RNF180: variants seen among roughly 807,000 people sequenced by gnomAD.
The protein encoded by RNF180 is ring finger protein 180.
RNF180 carries 38 observed loss-of-function variants against 59.2 expected under a neutral mutation model. The ratio of observed to expected loss-of-function variants is 0.64; its 90% CI spans 0.50 to 0.84. The LOEUF (loss-of-function observed/expected upper bound fraction) is 0.84. Ranked by LOEUF, RNF180 falls within the 40% of genes least tolerant of loss-of-function variation. The pLI is 0.00. For synonymous variants in RNF180, 262 were observed against 240.3 expected, an observed-to-expected ratio of 1.09 and a Z score of -0.84; for missense variants, 705 against 700.9, an observed-to-expected ratio of 1.01 and a Z score of -0.07.
intron 5 of RNF180, among the ~76,000 whole-genome samples, chr5:64,302,329 T>C (rs1743202353): frequency 6.6e-6 from 1 of 151,644 alleles, no homozygotes; most frequent in Non-Finnish European, 1.5e-5. Context: ...GGGATATTTA[T>C]TTATTTATTT....
At chr5:64,182,140 A>T (rs565339934) in intron 1 of RNF180, among the ~76,000 whole-genome samples, 1 of 151,656 alleles carries the variant, frequency 6.6e-6, no homozygotes, top group African/African-American at 2.4e-5. Context: ...ACAGGCGCCC[A>T]CCACCACGCC....
chr5:64,253,671 G>T (rs1743736280), intron 5 of RNF180, among the ~76,000 whole-genome samples: 1 of 152,078 alleles, frequency 6.6e-6, no homozygotes, highest in Admixed American at 6.6e-5. Flanking sequence ...ACTGAAATCA[G>T]TAAGATGTTG....
chr5:64,214,538 T>C lies in RNF180; in HGVS notation c.1191+21T>C, dbSNP rs778579217. On this transcript the variant is annotated intron_variant, in intron 4 of 7. Coordinates refer to ENST00000389100, the MANE Select transcript of RNF180 (RefSeq NM_001113561.2). The stretch of plus-strand genomic sequence containing the variant: ...AGCAGGTAATATTTTTCAAAAGAGT[T>C]TACTAAAAATCTGTATTATAAATAC... The C allele has an allele frequency of 3.1e-6, 5 of 1,596,148 alleles. No homozygotes were observed. In the Middle Eastern group the frequency reaches 5.2e-4, roughly 165 times the overall value.
intron 5 of RNF180, among the ~76,000 whole-genome samples, chr5:64,286,691 G>T (rs1314830010): frequency 6.6e-6 from 1 of 152,162 alleles, no homozygotes; most frequent in Non-Finnish European, 1.5e-5. Context: ...GAATACAGAA[G>T]TACCAAAAGT....
intron 5 of RNF180, among the ~76,000 whole-genome samples, chr5:64,286,618 A>G (rs926797514): frequency 3.3e-5 from 5 of 152,272 alleles, no homozygotes; most frequent in African/African-American, 1.2e-4. Context: ...AAATCCTTCA[A>G]TCAGTTCTAA....
chr5:64,260,474 G>A (rs1580132500), intron 5 of RNF180, among the ~76,000 whole-genome samples: 1 of 152,078 alleles, frequency 6.6e-6, no homozygotes, highest in Non-Finnish European at 1.5e-5. Context: ...AAAAGTCTTG[G>A]ATTTCATGAC....
chr5:64,354,024 G>A (rs1745921728), intron 7 of RNF180, among the ~76,000 whole-genome samples: 1 of 151,418 alleles, frequency 6.6e-6, no homozygotes, highest in Non-Finnish European at 1.5e-5. Context: ...ATTAAAAAAA[G>A]AAGAAAGCTC....
intron 5 of RNF180, among the ~76,000 whole-genome samples, chr5:64,317,383 C>T (rs1439043709): frequency 1.3e-5 from 2 of 151,894 alleles, no homozygotes; most frequent in African/African-American, 4.8e-5. Context: ...TAAAAAAATA[C>T]TGATAGATAT....
chr5:64,228,673 A>G (rs911822497), intron 5 of RNF180, among the ~76,000 whole-genome samples: 1 of 151,990 alleles, frequency 6.6e-6, no homozygotes, highest in African/African-American at 2.4e-5. Context: ...TATTTTGTAA[A>G]ACGTTAAAAA....
At chr5:64,217,254 C>T (rs1752677957) in intron 4 of RNF180, 107 bp from the exon 5 acceptor site, 2 of 1,234,018 alleles carry the variant, frequency 1.6e-6, no homozygotes, top group African/African-American at 3.1e-5. Context: ...ATCCATTCAG[C>T]TGCTGAAGGA....
At chr5:64,212,783 C>T (rs1484900074) in intron 3 of RNF180, among the ~76,000 whole-genome samples, 1 of 152,136 alleles carries the variant, frequency 6.6e-6, no homozygotes, top group Non-Finnish European at 1.5e-5. Flanking sequence ...ATTCAAAACT[C>T]CTGTCTTAGA....
chr5:64,214,307 C>G lies in RNF180; in HGVS notation c.981C>G (p.Asn327Lys), dbSNP rs1425340839. ...TGTATTCTGACCATACTAATACTAA[C>G]AATCTGACTTTCCTGATGGACCTGC... is the stretch of plus-strand genomic sequence containing the variant. ...ASVYSDHTNT[N>K]NLTFLMDLPS... Residue 327 changes from asparagine (N) to lysine (K), a missense_variant, in exon 4 of 8, where the codon AAC (asparagine) becomes AAG (lysine). Asn to Lys is a moderately conservative substitution (Grantham distance 94, BLOSUM62 0). Transcript: ENST00000389100. 2 of 1,613,956 alleles carry G rather than the reference C, an allele frequency of 1.2e-6. No individual in the cohort carries two copies. The highest frequency in any genetic ancestry group is 2.7e-5 in the African/African-American group (2 of 74,920).
Position 64,291,629 on chromosome 5 carries a change from G to A in RNF180, c.1228-33557G>A, listed in dbSNP as rs6883459. Among the ~76,000 whole-genome samples, 157 of 151,400 alleles carry A rather than the reference G, an allele frequency of 1.0e-3. 2 individuals carry two copies. Among genetic ancestry groups the A allele is most frequent in the African/African-American group, 2.2e-3 (91 of 41,248 alleles). On this transcript the variant is annotated intron_variant, in intron 5 of 7. Coordinates refer to ENST00000389100, the MANE Select transcript of RNF180 (RefSeq NM_001113561.2). ...TTTTTAGTAGAGACGGGGTTTCACCGTGTTAGCCAGAATGGTCTCGATCTC... is the reference window on the plus strand; with the variant it reads ...TTTTTAGTAGAGACGGGGTTTCACCATGTTAGCCAGAATGGTCTCGATCTC...
At chr5:64,366,074 G>C (rs1746435528) in intron 7 of RNF180, among the ~76,000 whole-genome samples, 1 of 151,338 alleles carries the variant, frequency 6.6e-6, no homozygotes, top group Non-Finnish European at 1.5e-5. Context: ...TCACTGGTCT[G>C]TGAACTTAGA....
chr5:64,274,688 T>G (rs1013350824), intron 5 of RNF180, among the ~76,000 whole-genome samples: 3 of 151,950 alleles, frequency 2.0e-5, no homozygotes, highest in Non-Finnish European at 4.4e-5. Flanking sequence ...AGATTTGGAG[T>G]GCTAGTTCTC....
intron 5 of RNF180, among the ~76,000 whole-genome samples, chr5:64,237,213 G>A (rs1232801537): frequency 6.6e-6 from 1 of 152,216 alleles, no homozygotes; most frequent in Non-Finnish European, 1.5e-5. Flanking sequence ...AGATCCACAG[G>A]AGCAGAGCTG....
chr5:64,177,636 T>C (rs1248808641), intron 1 of RNF180, among the ~76,000 whole-genome samples: 1 of 150,354 alleles, frequency 6.7e-6, no homozygotes, highest in African/African-American at 2.4e-5. Flanking sequence ...TGTCAGCTTA[T>C]AAGGTTAGAT....
chr5:64,322,759 A>G (rs112556291), intron 5 of RNF180, among the ~76,000 whole-genome samples: 1 of 152,064 alleles, frequency 6.6e-6, no homozygotes, highest in Admixed American at 6.6e-5. Flanking sequence ...CAAACATTGT[A>G]TGTTCTCACT....
chr5:64,335,931 T>C (rs1368944042), intron 7 of RNF180, among the ~76,000 whole-genome samples: 1 of 152,132 alleles, frequency 6.6e-6, no homozygotes, highest in Non-Finnish European at 1.5e-5. Flanking sequence ...TCCTTTGATG[T>C]CCTATAATAA....
Sources: gnomAD v4.1 joint callset for allele counts (sites outside exome capture counted in the v4.1 genomes callset) on GRCh38, gnomAD v4.1.1 for gene constraint, MANE v1.5 for transcripts, NCBI Gene and HGNC (gene_info 2026-07-23, HGNC 2026-07-21) for gene names.